SEMA4C: variants seen among roughly 807,000 people sequenced by gnomAD.
SEMA4C encodes semaphorin-4C.
In SEMA4C, 19 loss-of-function variants were observed where a neutral mutation model predicts 89.0. The observed-to-expected ratio is 0.21, with a 90% CI of 0.15 to 0.31. The LOEUF is 0.31. Among genes scored for constraint, SEMA4C ranks in the 10% least tolerant of loss-of-function variants. SEMA4C has a pLI of 1.00. For synonymous variants in SEMA4C, 428 were observed against 472.7 expected (o/e 0.91, Z 1.23); for missense variants, 811 against 1,107.0 (o/e 0.73, Z 3.79).
intron 1 of SEMA4C, chr2:96,869,263 A>C (rs1042583241): frequency 1.0e-6 from 1 of 985,150 alleles, no homozygotes; most frequent in African/African-American, 1.7e-5. Flanking sequence ...AGCTCCCCCC[A>C]GGGCGAGGAA....
chr2:96,866,544 CCT>C (rs758591317), intron 2 of SEMA4C, 113 bp from the exon 3 acceptor site: 366 of 1,420,252 alleles, frequency 2.6e-4, no homozygotes, highest in Non-Finnish European at 3.5e-4. Flanking sequence ...AGCCAAACCC[CCT>C]GATTGGCAAT....
At chr2:96,868,599 T>A in intron 1 of SEMA4C, 1 of 985,404 alleles carries the variant, frequency 1.0e-6, no homozygotes, top group Non-Finnish European at 1.2e-6. Flanking sequence ...AGGCAGGAAG[T>A]GGGTGGGATG....
At chr2:96,869,160 G>C in intron 1 of SEMA4C, 3 of 985,374 alleles carry the variant, frequency 3.0e-6, no homozygotes, top group Non-Finnish European at 3.6e-6. Flanking sequence ...CCCCCAAAAC[G>C]CCCGCGGCCT....
intron 3 of SEMA4C, 84 bp from the exon 4 acceptor site, chr2:96,866,013 G>A: frequency 7.1e-7 from 1 of 1,411,746 alleles, no homozygotes; most frequent in Non-Finnish European, 1.0e-6. Flanking sequence ...CAGCAACACA[G>A]GGACGCCCAG....
In SEMA4C at chr2:96,860,634, A is replaced by C. The variant is rs1211542149; in HGVS notation, c.2494T>G (p.Ser832Ala). The change falls in exon 15 of 15, where the codon TCA (serine) becomes GCA (alanine). Residue 832 changes from serine (S) to alanine (A), a missense_variant. By Grantham distance (99) the Ser-to-Ala change is moderately conservative. Coordinates refer to ENST00000305476, the MANE Select transcript of SEMA4C (RefSeq NM_017789.5). ...PLPDSNPEES[S>A]V ...CGCGGTGGGGGTTCCCCTCATACTGATGACTCCTCGGGGTTGGAGTCGGGC... is the reference window on the plus strand; with the variant it reads ...CGCGGTGGGGGTTCCCCTCATACTGCTGACTCCTCGGGGTTGGAGTCGGGC... The C allele has an allele frequency of 1.9e-6, 3 of 1,605,992 alleles. No individual in the cohort carries two copies. The highest frequency in any genetic ancestry group is 2.6e-6 in the Non-Finnish European group (3 of 1,175,442).
chr2:96,869,181 C>T, intron 1 of SEMA4C: 2 of 985,396 alleles, frequency 2.0e-6, no homozygotes, highest in Non-Finnish European at 2.4e-6. Context: ...CATCTCGGCT[C>T]CTTACCCGAG....
Position 96,865,204 on chromosome 2 carries a change from C to T in SEMA4C, c.634G>A (p.Glu212Lys). The change falls in exon 7 of 15, where the codon GAA (glutamate) becomes AAA (lysine). Residue 212 changes from glutamate to lysine, a missense_variant and splice_region_variant. Around this residue, in one of 4 missense-constraint regions of SEMA4C, gnomAD observed 441 missense variants for 664.9 expected, o/e 0.66. Transcript: ENST00000305476. ...TCCCACAGGCCCCCCGGTGGCTCAC[C>T]GTTGAGCCAAAAGGCCAGGTACTCT... The part of the protein sequence containing the change: ...KTEYLAFWLN[E>K]PHFVGSAYVP... The T allele has an allele frequency of 6.2e-7, 1 of 1,613,770 alleles. No individual in the cohort carries two copies. The highest frequency in any genetic ancestry group is 8.5e-7 in the Non-Finnish European group (1 of 1,179,818).
At chr2:96,866,652 G>A in intron 2 of SEMA4C, 1 of 696,726 alleles carries the variant, frequency 1.4e-6, no homozygotes, top group Non-Finnish European at 2.6e-6. Flanking sequence ...AGGCTGCTGG[G>A]AGGAAGGAAG....
At position 96,865,372 on chromosome 2, in the gene SEMA4C, GC is replaced by G. The variant is rs567471720; in HGVS notation, c.518-53del. The G allele has an allele frequency of 1.3e-3, 2,069 of 1,610,490 alleles. 1 individual carries two copies. Among genetic ancestry groups the G allele is most frequent in the South Asian group, 1.4e-3 (129 of 91,014 alleles). On this transcript the variant is annotated intron_variant, in intron 6 of 14. Coordinates refer to ENST00000305476, the MANE Select transcript of SEMA4C (RefSeq NM_017789.5). ...CACACATGAGGTATGGACACATCCG[GC>G]CAACACAGACCCAAGTGGAACCAAG...
At chr2:96,868,379 G>A (rs577985845) in intron 1 of SEMA4C, 2 of 990,602 alleles carry the variant, frequency 2.0e-6, no homozygotes, top group South Asian at 4.2e-5. Flanking sequence ...AGGGCATGCG[G>A]TGGGGTAGGC....
At chr2:96,868,060 G>A (rs2080121599) in intron 1 of SEMA4C, 137 bp from the exon 2 acceptor site, 1 of 1,198,578 alleles carries the variant, frequency 8.3e-7, no homozygotes, top group African/African-American at 1.5e-5. Context: ...CTCTTTGGAG[G>A]TGGACCTAAG....
Position 96,861,460 on chromosome 2 carries a change from A to AGT in SEMA4C, c.1673-7_1673-6dup, listed in dbSNP as rs757507212. The AGT allele has an allele frequency of 4.3e-6, 7 of 1,612,798 alleles. No homozygotes were observed. Among genetic ancestry groups the AGT allele is most frequent in the Non-Finnish European group, 5.1e-6 (6 of 1,179,546 alleles). On this transcript the variant is annotated splice_region_variant and splice_polypyrimidine_tract_variant and intron_variant, in intron 14 of 14. Coordinates refer to ENST00000305476, the MANE Select transcript of SEMA4C (RefSeq NM_017789.5). The surrounding 1 kb of genome is among the most constrained non-coding windows in gnomAD (Gnocchi z 7.8). The stretch of plus-strand genomic sequence containing the variant: ...TGTTTTTGGGAGTGGGCCTGACTGT[A>AGT]GTGGCAGAGAAAACAGAGTGCATGT...
chr2:96,868,566 G>A, intron 1 of SEMA4C: 3 of 985,854 alleles, frequency 3.0e-6, no homozygotes, highest in Non-Finnish European at 3.6e-6. Flanking sequence ...AGCTTCCCGA[G>A]GCCCCTTTGT....
chr2:96,865,134 G>A lies in SEMA4C; in HGVS notation c.635-19C>T, dbSNP rs1208880682. On this transcript the variant is annotated intron_variant, in intron 7 of 14. Coordinates refer to ENST00000305476, the MANE Select transcript of SEMA4C (RefSeq NM_017789.5). Reference sequence around the variant, plus strand: ...TGAGGTTCTGTGGGAAGGGGAGGAGGTCAGCAGGGAGGGGCTGGGCCCCGG... The same window carrying A: ...TGAGGTTCTGTGGGAAGGGGAGGAGATCAGCAGGGAGGGGCTGGGCCCCGG... The A allele has an allele frequency of 6.3e-7, 1 of 1,591,848 alleles. No homozygotes were observed. Among genetic ancestry groups the A allele is most frequent in the African/African-American group, 1.3e-5 (1 of 74,612 alleles).
chr2:96,863,449 C>A, intron 12 of SEMA4C: 2 of 1,308,942 alleles, frequency 1.5e-6, no homozygotes, highest in Non-Finnish European at 2.0e-6. Context: ...GCTGGGAGCG[C>A]AGCCCCGTGA....
At position 96,861,054 on chromosome 2, in the gene SEMA4C, C is replaced by A; in HGVS notation, c.2074G>T (p.Glu692Ter). ...LVLSLRRRLR[E>*]ELEKGAKATE... is the part of the protein sequence containing the mutation. The stretch of plus-strand genomic sequence containing the variant: ...GCCTTGGCCCCTTTCTCCAGCTCTT[C>A]CCGCAGCCGCCGGCGCAATGACAGC... Residue 692 changes from glutamate (E) to a stop codon, truncating the protein, a stop_gained, in exon 15 of 15, where the codon GAA becomes TAA. Coordinates refer to ENST00000305476, the MANE Select transcript of SEMA4C (RefSeq NM_017789.5). LOFTEE classifies it high-confidence loss of function. This position sits in a 1 kb window ranked among gnomAD's most constrained non-coding sequence, Gnocchi z 7.8. The A allele has an allele frequency of 6.2e-7, 1 of 1,612,828 alleles. No individual in the cohort carries two copies. The highest frequency in any genetic ancestry group is 8.5e-7 in the Non-Finnish European group (1 of 1,179,976).
chr2:96,868,227 A>T (rs535179793), intron 1 of SEMA4C, among the ~76,000 whole-genome samples: 2 of 152,346 alleles, frequency 1.3e-5, no homozygotes, highest in East Asian at 3.9e-4. Flanking sequence ...AGAAATAAAA[A>T]GGGGACCCCC....
At chr2:96,869,459 C>T in intron 1 of SEMA4C, 1 of 984,200 alleles carries the variant, frequency 1.0e-6, no homozygotes, top group Non-Finnish European at 1.2e-6. Context: ...CCCGCCTCCC[C>T]AGCGGAATGG....
chr2:96,863,464 G>T, intron 12 of SEMA4C: 1 of 1,342,472 alleles, frequency 7.4e-7, no homozygotes, highest in Non-Finnish European at 9.7e-7. Context: ...CCGTGACCTG[G>T]CTATATATAA....
Sources: gnomAD v4.1 joint callset for allele counts (sites outside exome capture counted in the v4.1 genomes callset) on GRCh38, gnomAD v4.1.1 for gene constraint, gnomAD v4.1.1 regional missense constraint, Gnocchi (gnomAD v3.1) non-coding constraint, MANE v1.5 for transcripts, NCBI Gene and HGNC (gene_info 2026-07-23, HGNC 2026-07-21) for gene names.